TTC23: variants seen among roughly 807,000 people sequenced by gnomAD.
The protein encoded by TTC23 is tetratricopeptide repeat domain 23, also known as tetratricopeptide repeat protein 23.
In TTC23, 58 loss-of-function variants were observed where a neutral mutation model predicts 55.1. The observed-to-expected ratio is 1.05, with a 90% CI of 0.85 to 1.31. The LOEUF (loss-of-function observed/expected upper bound fraction) is 1.31, where lower values mean the gene tolerates loss of function less well. Among genes scored for constraint, TTC23 ranks in the 50% most tolerant of loss-of-function variants. TTC23 has a pLI of 0.00. For synonymous variants in TTC23, 203 were observed against 199.9 expected, an observed-to-expected ratio of 1.02 and a Z score of -0.13; for missense variants, 516 against 534.4, an observed-to-expected ratio of 0.97 and a Z score of 0.34.
chr15:99,199,772 CT>C, intron 9 of TTC23, 146 bp downstream of exon 9: 1 of 721,874 alleles, frequency 1.4e-6, no homozygotes, highest in Non-Finnish European at 2.1e-6. Flanking sequence ...ATAAGAACAC[CT>C]TTGTTGAGCA....
chr15:99,217,160 CTT>C (rs1482358770), intron 8 of TTC23, among the ~76,000 whole-genome samples: 1 of 118,460 alleles, frequency 8.4e-6, no homozygotes, highest in African/African-American at 3.0e-5. Flanking sequence ...CTTTTTTTCT[CTT>C]CTTTTTTTTT....
chr15:99,199,800 T>G, intron 9 of TTC23, 119 bp downstream of exon 9: 1 of 1,019,260 alleles, frequency 9.8e-7, no homozygotes. Context: ...CTAGGCCAAC[T>G]GTTGTCCTTA....
chr15:99,167,126 C>T (rs2072220592), intron 10 of TTC23, among the ~76,000 whole-genome samples: 1 of 148,900 alleles, frequency 6.7e-6, no homozygotes, highest in Admixed American at 6.8e-5. Context: ...GCAGTTTATT[C>T]TCCTGGCAAT....
At chr15:99,246,066 T>C (rs919256397) in intron 1 of TTC23, among the ~76,000 whole-genome samples, 2 of 151,926 alleles carry the variant, frequency 1.3e-5, no homozygotes, top group Non-Finnish European at 2.9e-5. Flanking sequence ...CGACTTGGCC[T>C]CCCAAAATAC....
In TTC23 at chr15:99,139,360, T is replaced by A; in HGVS notation, c.1183A>T (p.Lys395Ter). Residue 395 changes from lysine (K) to a stop codon, truncating the protein, a stop_gained, in exon 13 of 14, where the codon AAA becomes TAA. Coordinates refer to ENST00000394132, the MANE Select transcript of TTC23 (RefSeq NM_001288615.3). LOFTEE classifies it high-confidence loss of function. ...IQTLLYGPQDKRTLATQQAMG... is the reference protein window; with the variant it reads ...IQTLLYGPQD The stretch of plus-strand genomic sequence containing the variant: ...GCCTGCTGGGTGGCCAGAGTCCTTT[T>A]GTCCTGCGGTCCATATAAGAGGGTC... 6.2e-7 allele frequency: 1 copy of A among 1,614,076 alleles called. No individual in the cohort carries two copies.
In TTC23 at chr15:99,218,685, T is replaced by C. The variant is rs2077664421; in HGVS notation, c.484A>G (p.Lys162Glu). The change falls in exon 8 of 14, where the codon AAA becomes GAA. Residue 162 changes from lysine (K) to glutamate (E), a missense_variant. Physicochemically the swap from Lys to Glu is moderately conservative, Grantham distance 56. Coordinates refer to ENST00000394132, the MANE Select transcript of TTC23 (RefSeq NM_001288615.3). ...KFKEAAENLTKAERLSKELLQ... is the reference protein window; with the variant it reads ...KFKEAAENLTEAERLSKELLQ... ...AGCTCCTTTGAAAGTCTCTCTGCTT[T>C]TGTCAAATTCTCTGCAGCTTCCTTA... The C allele has an allele frequency of 6.2e-7, 1 of 1,614,084 alleles. No homozygotes were observed. Among genetic ancestry groups the C allele is most frequent in the Admixed American group, 1.7e-5 (1 of 60,010 alleles).
intron 12 of TTC23, among the ~76,000 whole-genome samples, chr15:99,145,554 G>A (rs1159085900): frequency 6.6e-6 from 1 of 151,916 alleles, no homozygotes; most frequent in South Asian, 2.1e-4. Flanking sequence ...TGGGGATGGA[G>A]GGAGGTGGTG....
intron 11 of TTC23, 48 bp from the exon 12 acceptor site, chr15:99,156,345 T>A: frequency 6.3e-7 from 1 of 1,599,982 alleles, no homozygotes; most frequent in African/African-American, 1.3e-5. Context: ...CAAAGGCTGA[T>A]TAGGATCATT....
chr15:99,191,340 A>AGATTTAGAGAAAT (rs1254196319), intron 9 of TTC23, among the ~76,000 whole-genome samples: 15 of 152,106 alleles, frequency 9.9e-5, no homozygotes, highest in African/African-American at 3.6e-4. Flanking sequence ...TCTAAACCAA[A>AGATTTAGAGAAAT]CTCAGATCTT....
At chr15:99,247,572 A>T (rs909496470) in intron 1 of TTC23, among the ~76,000 whole-genome samples, 3 of 152,226 alleles carry the variant, frequency 2.0e-5, no homozygotes, top group Admixed American at 1.3e-4. Context: ...ATGAACCTCA[A>T]AAACATTATG....
chr15:99,137,373 C>T lies in TTC23; in HGVS notation c.*637G>A, dbSNP rs118118840. On this transcript the variant is annotated 3_prime_UTR_variant, in exon 14 of 14. Coordinates refer to ENST00000394132, the MANE Select transcript of TTC23 (RefSeq NM_001288615.3). ...TCTGCGGTCTTCCCCCCGCAGCCTC[C>T]GGCTAGCCTTTCTTTTCACTCCCTT... is the stretch of plus-strand genomic sequence containing the variant. 0.018 allele frequency: 2,754 copies of T among 152,366 alleles called. 77 individuals carry two copies. Among genetic ancestry groups the T allele is most frequent in the Non-Finnish European group, 0.021 (1,426 of 68,110 alleles). 9.4% of individuals were successfully genotyped at this position (152,366 alleles called of 1,614,324 possible). A position where few individuals can be genotyped will look rare whatever the true frequency, so the allele number is the denominator to read the frequency against.
intron 8 of TTC23, among the ~76,000 whole-genome samples, chr15:99,208,380 TG>T (rs2152017903): frequency 6.6e-6 from 1 of 152,276 alleles, no homozygotes; most frequent in Non-Finnish European, 1.5e-5. Flanking sequence ...AAAATGGTAT[TG>T]GGAAGAATGC....
chr15:99,234,251 T>C (rs1343478221), intron 4 of TTC23, among the ~76,000 whole-genome samples: 1 of 152,206 alleles, frequency 6.6e-6, no homozygotes, highest in East Asian at 1.9e-4. Context: ...TGGGAGAAAA[T>C]ATTTTCATAA....
chr15:99,192,772 G>A (rs1412082788), intron 9 of TTC23, among the ~76,000 whole-genome samples: 1 of 152,192 alleles, frequency 6.6e-6, no homozygotes, highest in Non-Finnish European at 1.5e-5. Flanking sequence ...CCAGACCCCA[G>A]AATAGTAGAT....
chr15:99,221,804 C>G lies in TTC23; in HGVS notation c.241G>C (p.Asp81His). The change falls in exon 6 of 14, where the codon GAC (aspartate) becomes CAC (histidine). Residue 81 changes from aspartate to histidine, a missense_variant. Coordinates refer to ENST00000394132, the MANE Select transcript of TTC23 (RefSeq NM_001288615.3). The stretch of plus-strand genomic sequence containing the variant: ...GCCTCTGCTAGTTTCCAATGTGAGT[C>G]TCCATAGCAAATTCTTGTCAGTGCT... ...CVALTRICYG[D>H]SHWKLAEAHV... The G allele has an allele frequency of 6.2e-7, 1 of 1,614,188 alleles. No individual in the cohort carries two copies. The highest frequency in any genetic ancestry group is 1.1e-5 in the South Asian group (1 of 91,082).
intron 8 of TTC23, among the ~76,000 whole-genome samples, chr15:99,207,892 G>A (rs1596675186): frequency 6.6e-6 from 1 of 152,190 alleles, no homozygotes; most frequent in Non-Finnish European, 1.5e-5. Context: ...GTTAGAAAGC[G>A]TTTGGTAAAT....
chr15:99,166,021 C>T (rs1398746387), intron 10 of TTC23, among the ~76,000 whole-genome samples: 3 of 152,172 alleles, frequency 2.0e-5, no homozygotes, highest in Non-Finnish European at 2.9e-5. Flanking sequence ...TTGTCCCTAA[C>T]GATGGGCCCT....
chr15:99,246,729 G>A (rs1316891380), intron 1 of TTC23, among the ~76,000 whole-genome samples: 1 of 151,896 alleles, frequency 6.6e-6, no homozygotes, highest in Non-Finnish European at 1.5e-5. Context: ...GACCTGCCTG[G>A]CCAACATGGT....
chr15:99,181,947 G>C (rs1353730130), intron 9 of TTC23, among the ~76,000 whole-genome samples: 1 of 152,080 alleles, frequency 6.6e-6, no homozygotes, highest in Non-Finnish European at 1.5e-5. Context: ...GAGCTGGGGA[G>C]AAAAAGCACT....
Sources: gnomAD v4.1 joint callset for allele counts (sites outside exome capture counted in the v4.1 genomes callset) on GRCh38, gnomAD v4.1.1 for gene constraint, MANE v1.5 for transcripts, NCBI Gene and HGNC (gene_info 2026-07-23, HGNC 2026-07-21) for gene names.